Variants in HAT1 observed in about 807,000 individuals in gnomAD.
HAT1 encodes the protein histone acetyltransferase 1, also known as histone acetyltransferase type B catalytic subunit.
Under a neutral mutation model 56.6 loss-of-function variants are expected in HAT1, and 20 were observed. The ratio of observed to expected loss-of-function variants is 0.35; its 90% CI spans 0.25 to 0.51. The LOEUF is 0.51. HAT1 is among the 20% of genes least tolerant of loss of function. HAT1 has a pLI of 0.95. For missense variants in HAT1, 408 were observed against 504.3 expected (o/e 0.81, Z 1.83); for synonymous variants, 146 against 165.5 (o/e 0.88, Z 0.91).
intron 2 of HAT1, among the ~76,000 whole-genome samples, chr2:171,929,583 A>C (rs1686685962): frequency 6.6e-6 from 1 of 152,120 alleles, no homozygotes; most frequent in African/African-American, 2.4e-5. Flanking sequence ...TTTCTTCTGG[A>C]AGGTTTTTAG....
chr2:171,952,510 A>G (rs1001703324), intron 3 of HAT1, among the ~76,000 whole-genome samples: 2 of 152,236 alleles, frequency 1.3e-5, no homozygotes, highest in African/African-American at 2.4e-5. Context: ...TTGCCTAGCC[A>G]GGTCCTAATT....
intron 3 of HAT1, among the ~76,000 whole-genome samples, chr2:171,951,168 T>C (rs1252481021): frequency 2.0e-5 from 3 of 152,206 alleles, no homozygotes; most frequent in Admixed American, 6.5e-5. Flanking sequence ...CCTGTGAATT[T>C]TTCATTATTG....
chr2:171,963,827 A>G (rs188246422), intron 4 of HAT1, among the ~76,000 whole-genome samples: 1 of 152,340 alleles, frequency 6.6e-6, no homozygotes, highest in African/African-American at 2.4e-5. Flanking sequence ...TTTATCAAAT[A>G]GTACTTTAAA....
Position 171,937,750 on chromosome 2 carries a change from TTAATTATAG to T in HAT1, c.113-8953_113-8945del, listed in dbSNP as rs1262176488. The stretch of plus-strand genomic sequence containing the variant: ...CTCTGAAATAGAAGTAGCATGATGG[TTAATTATAG>T]TAATGGAGCTGTAGGAAAAAGGGTG... On this transcript the variant is annotated intron_variant, in intron 2 of 10. Coordinates refer to ENST00000264108, the MANE Select transcript of HAT1 (RefSeq NM_003642.4). Among the ~76,000 whole-genome samples, 26 of 152,044 alleles carry T rather than the reference TTAATTATAG, an allele frequency of 1.7e-4. 1 individual carries two copies. Among genetic ancestry groups the T allele is most frequent in the Non-Finnish European group, 2.9e-5 (2 of 68,000 alleles).
intron 2 of HAT1, among the ~76,000 whole-genome samples, chr2:171,943,072 A>AC (rs1414146605): frequency 3.4e-5 from 5 of 148,740 alleles, no homozygotes; most frequent in Non-Finnish European, 7.4e-5. Context: ...GACATATTTG[A>AC]GTTTTTTTTT....
At chr2:171,946,971 T>C (rs1379904213) in intron 3 of HAT1, among the ~76,000 whole-genome samples, 188 bp downstream of exon 3, 1 of 152,204 alleles carries the variant, frequency 6.6e-6, no homozygotes, top group Admixed American at 6.5e-5. Flanking sequence ...CATTTAGTGC[T>C]GTAAATGCAT....
chr2:171,935,680 C>A (rs571660834), intron 2 of HAT1, among the ~76,000 whole-genome samples: 1 of 151,832 alleles, frequency 6.6e-6, no homozygotes, highest in Non-Finnish European at 1.5e-5. Flanking sequence ...AGTTTGAGAC[C>A]AGCTTGGGCA....
intron 1 of HAT1, 97 bp downstream of exon 1, chr2:171,922,604 G>A: frequency 9.4e-7 from 1 of 1,066,030 alleles, no homozygotes; most frequent in Non-Finnish European, 1.2e-6. Flanking sequence ...GAACTTTCGG[G>A]CTGTAGCCTG....
intron 4 of HAT1, among the ~76,000 whole-genome samples, chr2:171,963,779 C>T (rs562494899): frequency 2.8e-4 from 43 of 152,026 alleles, no homozygotes; most frequent in Non-Finnish European, 5.3e-4. Context: ...AATATGCTTA[C>T]GATGGCCTCT....
intron 8 of HAT1, among the ~76,000 whole-genome samples, chr2:171,970,483 AGCAAT>A (rs1243668833): frequency 8.6e-4 from 120 of 139,062 alleles, no homozygotes; most frequent in Non-Finnish European, 1.6e-3. Flanking sequence ...AATCAGTATT[AGCAAT>A]GCAGTTTCTT....
chr2:171,929,827 T>G (rs1686693123), intron 2 of HAT1, among the ~76,000 whole-genome samples: 1 of 152,242 alleles, frequency 6.6e-6, no homozygotes, highest in African/African-American at 2.4e-5. Flanking sequence ...ACTGTCTGGA[T>G]TAGTGTAACT....
intron 2 of HAT1, among the ~76,000 whole-genome samples, chr2:171,937,963 C>CACTG (rs200831459): frequency 0.022 from 3,316 of 151,784 alleles, 56 homozygotes; most frequent in Middle Eastern, 0.038. Context: ...TGGGATTGTA[C>CACTG]ACTGCACTGC....
rs930237133 is a variant in HAT1, at chr2:171,983,640, G to T, written c.*288G>T. ...TAGTTGTGATATGTTAATGTGTGAT[G>T]ATATGATTCTTAAATACTTACAATA... On this transcript the variant is annotated 3_prime_UTR_variant, in exon 11 of 11. Coordinates refer to ENST00000264108, the MANE Select transcript of HAT1 (RefSeq NM_003642.4). 5 of 224,608 alleles carry T rather than the reference G, an allele frequency of 2.2e-5. No homozygotes were observed. Among genetic ancestry groups the T allele is most frequent in the Non-Finnish European group, 3.4e-5 (4 of 116,002 alleles). The allele number at this position is 224,608 out of a possible 1,614,324, so 13.9% of individuals were successfully genotyped here.
chr2:171,927,405 G>A (rs568653478), intron 2 of HAT1, among the ~76,000 whole-genome samples: 7 of 152,284 alleles, frequency 4.6e-5, no homozygotes, highest in South Asian at 2.1e-4. Flanking sequence ...GGTAAGGGCT[G>A]AGTGGAGTGA....
intron 2 of HAT1, among the ~76,000 whole-genome samples, chr2:171,940,608 C>T (rs776523378): frequency 6.6e-6 from 1 of 152,138 alleles, no homozygotes; most frequent in Non-Finnish European, 1.5e-5. Context: ...TGGTGGCCTT[C>T]AATAAATTGC....
chr2:171,969,184 C>T (rs532000192), intron 8 of HAT1, among the ~76,000 whole-genome samples: 2 of 152,272 alleles, frequency 1.3e-5, no homozygotes, highest in African/African-American at 4.8e-5. Flanking sequence ...CTCTGGACTT[C>T]TGAAAGGAGT....
chr2:171,964,033 CTTG>C (rs1687632607), intron 4 of HAT1, among the ~76,000 whole-genome samples: 1 of 152,014 alleles, frequency 6.6e-6, no homozygotes, highest in South Asian at 2.1e-4. Flanking sequence ...GAAAATAAAA[CTTG>C]TTTGTGATAA....
chr2:171,943,444 A>C (rs1249800079), intron 2 of HAT1, among the ~76,000 whole-genome samples: 2 of 147,604 alleles, frequency 1.4e-5, no homozygotes, highest in African/African-American at 5.0e-5. Flanking sequence ...AAGGAAACTA[A>C]GCAATATCTC....
In HAT1 at chr2:171,926,222, G is replaced by A. The variant is rs536294256; in HGVS notation, c.112+581G>A. Among the ~76,000 whole-genome samples, 3 of 152,194 alleles carry A rather than the reference G, an allele frequency of 2.0e-5. No individual in the cohort carries two copies. In the South Asian group the frequency reaches 6.2e-4, roughly 32 times the overall value. Reference sequence around the variant, plus strand: ...TGCCTCCAACCCCTGGGCTCAGGCAGTCCTTCTGCCTCAGCCTGCCAGGTA... The same window carrying A: ...TGCCTCCAACCCCTGGGCTCAGGCAATCCTTCTGCCTCAGCCTGCCAGGTA... On this transcript the variant is annotated intron_variant, in intron 2 of 10. Transcript: ENST00000264108.
Sources: allele counts gnomAD v4.1 joint callset (sites outside exome capture counted in the v4.1 genomes callset), GRCh38; gene constraint gnomAD v4.1.1; transcripts MANE v1.5; gene names NCBI Gene and HGNC (gene_info 2026-07-23, HGNC 2026-07-21).